The following SNRPD2 variants were observed in gnomAD, a reference collection of about 807,000 sequenced individuals.
The protein encoded by SNRPD2 is small nuclear ribonucleoprotein Sm D2.
Under a neutral mutation model 11.5 loss-of-function variants are expected in SNRPD2, and 1 was observed. The observed-to-expected ratio is 0.09, with a 90% CI of 0.03 to 0.41. SNRPD2 has a LOEUF of 0.41. Among genes scored for constraint, SNRPD2 ranks in the 10% least tolerant of loss-of-function variants. The probability of loss-of-function intolerance (pLI) is 0.98; values close to 1 mark genes in which losing one functional copy is unlikely to be tolerated. For missense variants in SNRPD2, 77 were observed against 154.9 expected, an observed-to-expected ratio of 0.50 and a Z score of 2.67; for synonymous variants, 63 against 61.5, an observed-to-expected ratio of 1.02 and a Z score of -0.12.
At chr19:45,692,053 G>T, upstream of SNRPD2, 2 of 1,559,234 alleles carry the variant, frequency 1.3e-6, no homozygotes, top group East Asian at 2.3e-5. Context: ...CCCCACCAAC[G>T]GTGCACAATG....
In SNRPD2 at chr19:45,691,642, A is replaced by G. The variant is rs1199175252; in HGVS notation, c.2+245T>C. 5 of 562,900 alleles carry G rather than the reference A, an allele frequency of 8.9e-6. No individual in the cohort carries two copies. The Admixed American group carries it at 1.5e-4, about 16-fold the overall frequency. The allele number at this position is 562,900 out of a possible 1,614,324, so 34.9% of individuals were successfully genotyped here. A position where few individuals can be genotyped will look rare whatever the true frequency, so the allele number is the denominator to read the frequency against. On this transcript the variant is annotated intron_variant, in intron 1 of 2. Coordinates refer to ENST00000342669, the MANE Select transcript of SNRPD2 (RefSeq NM_001384647.1). ...CGCCTTGGCCTACTAAAGTGCTGGG[A>G]TCACAGGAATGAGCCCCCGCGCCCA...
At chr19:45,691,817 T>C (rs527758322) in intron 1 of SNRPD2, 70 bp downstream of exon 1, 10 of 1,588,274 alleles carry the variant, frequency 6.3e-6, no homozygotes, top group Admixed American at 1.7e-5. Flanking sequence ...GCTCAACCCT[T>C]CCCACACTCA....
rs1290559641 is a variant in SNRPD2 at position 45,687,960 on chromosome 19, G to A, written c.183-233C>T. 1.3e-5 allele frequency among the ~76,000 whole-genome samples: 2 copies of A among 152,156 alleles called. No individual in the cohort carries two copies. The highest frequency in any genetic ancestry group is 2.9e-5 in the Non-Finnish European group (2 of 68,026). ...CCTTTTTAAGAGGGAAGATAATCAC[G>A]TTACCTTCCTCACAGGGCCATTGAA... On this transcript the variant is annotated intron_variant, in intron 2 of 2. Coordinates refer to ENST00000342669, the MANE Select transcript of SNRPD2 (RefSeq NM_001384647.1). This position sits in a 1 kb window ranked among gnomAD's most constrained non-coding sequence, Gnocchi z 4.1.
At chr19:45,691,804 T>A in intron 1 of SNRPD2, 83 bp downstream of exon 1, 3 of 1,459,482 alleles carry the variant, frequency 2.1e-6, no homozygotes, top group Non-Finnish European at 2.9e-6. Flanking sequence ...CCCCCCCCGC[T>A]CTGCTCAACC....
intron 1 of SNRPD2, among the ~76,000 whole-genome samples, chr19:45,690,329 CAAAAAA>C (rs71175207): frequency 1.3e-5 from 1 of 74,608 alleles, no homozygotes; most frequent in African/African-American, 5.8e-5. Flanking sequence ...GACTCCGTCT[CAAAAAA>C]AAAAAAAAAA....
At position 45,688,946 on chromosome 19, in the gene SNRPD2, G is replaced by A. The variant is rs1967473448; in HGVS notation, c.3-380C>T. On this transcript the variant is annotated intron_variant, in intron 1 of 2. Transcript: ENST00000342669. This position sits in a 1 kb window ranked among gnomAD's most constrained non-coding sequence, Gnocchi z 4.1. Reference sequence around the variant, plus strand: ...CAGGGGGTTTCACCATGTTGGCCAGGATGGTCTTGATTTCTTGACCTTGTG... The same window carrying A: ...CAGGGGGTTTCACCATGTTGGCCAGAATGGTCTTGATTTCTTGACCTTGTG... Among the ~76,000 whole-genome samples the A allele has an allele frequency of 6.6e-6, 1 of 152,046 alleles. No homozygotes were observed. Among genetic ancestry groups the A allele is most frequent in the Non-Finnish European group, 1.5e-5 (1 of 68,008 alleles).
At chr19:45,689,580 G>C in intron 1 of SNRPD2, among the ~76,000 whole-genome samples, 1 of 152,118 alleles carries the variant, frequency 6.6e-6, no homozygotes, top group Non-Finnish European at 1.5e-5. Flanking sequence ...GCGTGGTGGT[G>C]CACGCCTGTA....
At position 45,688,356 on chromosome 19, in the gene SNRPD2, CGGA is replaced by C; in HGVS notation, c.182+28_182+30del. 2 of 1,604,966 alleles carry C rather than the reference CGGA, an allele frequency of 1.2e-6. No individual in the cohort carries two copies. Among genetic ancestry groups the C allele is most frequent in the Middle Eastern group, 1.7e-4 (1 of 6,032 alleles). On this transcript the variant is annotated intron_variant, in intron 2 of 2. Transcript: ENST00000342669. This position sits in a 1 kb window ranked among gnomAD's most constrained non-coding sequence, Gnocchi z 4.1. ...AGCTGGAGTGGCCTCTCCAGGCCTG[CGGA>C]GAACACCTCCCAGGACCCAGCACTC...
At chr19:45,691,858 C>A (rs773627149) in intron 1 of SNRPD2, 29 bp downstream of exon 1, 1 of 1,613,940 alleles carries the variant, frequency 6.2e-7, no homozygotes. Context: ...CAACCTCATT[C>A]CCGCCGCCTA....
At position 45,691,937 on chromosome 19, in the gene SNRPD2, T is replaced by G. The variant is rs771186656; in HGVS notation, c.-49A>C. 7.4e-6 allele frequency: 12 copies of G among 1,614,096 alleles called. No homozygotes were observed. Among genetic ancestry groups the G allele is most frequent in the Non-Finnish European group, 1.0e-5 (12 of 1,179,940 alleles). On this transcript the variant is annotated 5_prime_UTR_variant, in exon 1 of 3. Coordinates refer to ENST00000342669, the MANE Select transcript of SNRPD2 (RefSeq NM_001384647.1). Reference sequence around the variant, plus strand: ...ACTCCCGTTTCCTCCGCGTTGCTGCTGCCTGAGGAGAGAGAGGCGGGACTT... The same window carrying G: ...ACTCCCGTTTCCTCCGCGTTGCTGCGGCCTGAGGAGAGAGAGGCGGGACTT...
At chr19:45,689,962 C>T (rs1052822560) in intron 1 of SNRPD2, among the ~76,000 whole-genome samples, 10 of 151,062 alleles carry the variant, frequency 6.6e-5, no homozygotes, top group Non-Finnish European at 1.3e-4. Context: ...GCTTGAGCCC[C>T]AGCAGCGAAG....
In SNRPD2 at chr19:45,691,926, C is replaced by T. The variant is rs748705088; in HGVS notation, c.-38G>A. On this transcript the variant is annotated 5_prime_UTR_variant, in exon 1 of 3. Coordinates refer to ENST00000342669, the MANE Select transcript of SNRPD2 (RefSeq NM_001384647.1). The stretch of plus-strand genomic sequence containing the variant: ...GCTCTCCGTTCACTCCCGTTTCCTC[C>T]GCGTTGCTGCTGCCTGAGGAGAGAG... 1.9e-6 allele frequency: 3 copies of T among 1,614,134 alleles called. No homozygotes were observed. The highest frequency in any genetic ancestry group is 1.7e-6 in the Non-Finnish European group (2 of 1,179,976).
At position 45,688,527 on chromosome 19, in the gene SNRPD2, C is replaced by T; in HGVS notation, c.42G>A (p.Glu14=). Reference sequence around the variant, plus strand: ...CCTCCTCCTCTCGCTTCTGCAGCTCCTCTGGGGTCATCTCACTCTTGGGCT... The same window carrying T: ...CCTCCTCCTCTCGCTTCTGCAGCTCTTCTGGGGTCATCTCACTCTTGGGCT... The part of the protein sequence containing the change: ...LNKPKSEMTP[E]ELQKREEEEF... The change falls in exon 2 of 3, where the codon GAG becomes GAA. Residue 14 remains glutamate (E), a synonymous_variant. Transcript: ENST00000342669. The surrounding 1 kb of genome is among the most constrained non-coding windows in gnomAD (Gnocchi z 4.1). 1 of 1,614,142 alleles carries T rather than the reference C, an allele frequency of 6.2e-7. No individual in the cohort carries two copies. The highest frequency in any genetic ancestry group is 8.5e-7 in the Non-Finnish European group (1 of 1,180,000).
At chr19:45,690,192 G>A (rs1433145363) in intron 1 of SNRPD2, among the ~76,000 whole-genome samples, 8 of 150,946 alleles carry the variant, frequency 5.3e-5, no homozygotes, top group African/African-American at 2.0e-4. Flanking sequence ...TTAGCCGGGC[G>A]AGGTGGCGGG....
rs543737820 is a variant in SNRPD2, at chr19:45,688,217, A to C, written c.182+170T>G. On this transcript the variant is annotated intron_variant, in intron 2 of 2. Transcript: ENST00000342669. This position sits in a 1 kb window ranked among gnomAD's most constrained non-coding sequence, Gnocchi z 4.1. ...AAGCTGGTCTTGAACTCCTGACCTC[A>C]GGTGATCTACCCGCCTTGCCTTCCC... Among the ~76,000 whole-genome samples the C allele has an allele frequency of 1.3e-5, 2 of 152,142 alleles. No individual in the cohort carries two copies. The highest frequency in any genetic ancestry group is 2.9e-5 in the Non-Finnish European group (2 of 68,024).
Position 45,688,922 on chromosome 19 carries a change from AG to A in SNRPD2, c.3-357del. ...AGCTAATTTTTGTATTTTAGTAAACAGGGGGTTTCACCATGTTGGCCAGGAT... is the reference window on the plus strand; with the variant it reads ...AGCTAATTTTTGTATTTTAGTAAACAGGGGTTTCACCATGTTGGCCAGGAT... On this transcript the variant is annotated intron_variant, in intron 1 of 2. Transcript: ENST00000342669. The surrounding 1 kb of genome is among the most constrained non-coding windows in gnomAD (Gnocchi z 4.1). Among the ~76,000 whole-genome samples, 1 of 152,100 alleles carries A rather than the reference AG, an allele frequency of 6.6e-6. No individual in the cohort carries two copies. The highest frequency in any genetic ancestry group is 3.4e-3 in the Middle Eastern group (1 of 294).
chr19:45,690,841 AAAAAAAAG>A (rs1967524225), intron 1 of SNRPD2, among the ~76,000 whole-genome samples: 1 of 151,840 alleles, frequency 6.6e-6, no homozygotes, highest in African/African-American at 2.4e-5. Flanking sequence ...CAAAAAAAAA[AAAAAAAAG>A]AAAAAGAGAA....
rs766966322 is a variant in SNRPD2 at position 45,687,682 on chromosome 19, C to T, written c.228G>A (p.Glu76=). The change falls in exon 3 of 3, where the codon GAG becomes GAA. Residue 76 remains glutamate (E), a synonymous_variant. Transcript: ENST00000342669. This position sits in a 1 kb window ranked among gnomAD's most constrained non-coding sequence, Gnocchi z 4.1. The stretch of plus-strand genomic sequence containing the variant: ...TCTTGCCCTTGCCACTCTTGGGTAC[C>T]TCAGTCCACATCTCCTTCACGTTCT... ...VLENVKEMWT[E]VPKSGKGKKK... 9.3e-6 allele frequency: 15 copies of T among 1,613,948 alleles called. No individual in the cohort carries two copies. In the South Asian group the frequency reaches 1.5e-4, roughly 17 times the overall value.
intron 1 of SNRPD2, among the ~76,000 whole-genome samples, chr19:45,690,954 A>G (rs757782724): frequency 6.6e-6 from 1 of 152,188 alleles, no homozygotes; most frequent in Non-Finnish European, 1.5e-5. Flanking sequence ...ATTCAATGTA[A>G]TATCTGCTGC....
Sources: gnomAD v4.1 joint callset for allele counts (sites outside exome capture counted in the v4.1 genomes callset) on GRCh38, gnomAD v4.1.1 for gene constraint, Gnocchi (gnomAD v3.1) non-coding constraint, MANE v1.5 for transcripts, NCBI Gene and HGNC (gene_info 2026-07-23, HGNC 2026-07-21) for gene names.